CYP4F22: variants seen among roughly 807,000 people sequenced by gnomAD.
The protein encoded by CYP4F22 is cytochrome P450 family 4 subfamily F member 22, also known as ultra-long-chain fatty acid omega-hydroxylase.
CYP4F22 carries 37 observed loss-of-function variants against 60.4 expected under a neutral mutation model. The observed-to-expected ratio is 0.61, with a 90% CI of 0.47 to 0.81. The LOEUF is 0.81. CYP4F22 is among the 30% of genes least tolerant of loss of function. The probability of loss-of-function intolerance (pLI) is 0.00; values close to 1 mark genes in which losing one functional copy is unlikely to be tolerated. For synonymous variants in CYP4F22, 258 were observed against 280.5 expected, an observed-to-expected ratio of 0.92 and a Z score of 0.80; for missense variants, 655 against 715.0, an observed-to-expected ratio of 0.92 and a Z score of 0.96.
At chr19:15,521,541 G>T (rs1487280192) in intron 1 of CYP4F22, among the ~76,000 whole-genome samples, 1 of 152,036 alleles carries the variant, frequency 6.6e-6, no homozygotes, top group African/African-American at 2.4e-5. Flanking sequence ...CTACTTCCAC[G>T]TTTTAGTGAT....
intron 1 of CYP4F22, chr19:15,515,325 A>T: frequency 8.5e-7 from 1 of 1,175,640 alleles, no homozygotes; most frequent in South Asian, 1.2e-5. Context: ...ATAATGGTTC[A>T]TGGCCAGAAA....
At chr19:15,516,229 A>G (rs1466328597) in intron 1 of CYP4F22, 1 of 152,318 alleles carries the variant, frequency 6.6e-6, no homozygotes, top group Non-Finnish European at 1.5e-5. Flanking sequence ...TTTAACCAAG[A>G]TATCTGTGCT....
chr19:15,550,622 C>A (rs993738), intron 12 of CYP4F22, 52 bp from the exon 13 acceptor site: 1 of 1,593,130 alleles, frequency 6.3e-7, no homozygotes, highest in Non-Finnish European at 8.6e-7. Context: ...GGGGGCCAGG[C>A]TGGGATGTCT....
At chr19:15,525,819 G>C (rs919705497) in intron 3 of CYP4F22, among the ~76,000 whole-genome samples, 11 of 152,096 alleles carry the variant, frequency 7.2e-5, no homozygotes, top group Non-Finnish European at 1.3e-4. Context: ...TTGAGGCCAG[G>C]AGTTTGAGAC....
intron 1 of CYP4F22, among the ~76,000 whole-genome samples, chr19:15,518,580 C>T (rs1261808374): frequency 7.8e-6 from 1 of 128,282 alleles, no homozygotes; most frequent in Admixed American, 9.2e-5. Flanking sequence ...ACCCGGGGAG[C>T]GGAGTTTGCA....
chr19:15,527,145 G>A (rs1035328599), intron 3 of CYP4F22, among the ~76,000 whole-genome samples: 1 of 151,998 alleles, frequency 6.6e-6, no homozygotes, highest in African/African-American at 2.4e-5. Context: ...GCTGGTCCAT[G>A]GTCCAGCCCC....
intron 4 of CYP4F22, among the ~76,000 whole-genome samples, chr19:15,535,065 G>T (rs886870137): frequency 5.9e-5 from 9 of 152,202 alleles, no homozygotes; most frequent in African/African-American, 1.4e-4. Flanking sequence ...GTGTCAGAAA[G>T]ATCCCTGTGG....
chr19:15,537,980 AGCAACT>A lies in CYP4F22; in HGVS notation c.661_666del (p.Asn221_Cys222del). On this transcript the variant is annotated inframe_deletion, in exon 7 of 14. Coordinates refer to ENST00000269703, the MANE Select transcript of CYP4F22 (RefSeq NM_173483.4). Reference sequence around the variant, plus strand: ...TCAGAAATGTGTCTTCAGCTACAACAGCAACTGCCAAGAGTGAGTGTGACCCTTCTT... The same window carrying A: ...TCAGAAATGTGTCTTCAGCTACAACAGCCAAGAGTGAGTGTGACCCTTCTT... 1 of 1,614,142 alleles carries A rather than the reference AGCAACT, an allele frequency of 6.2e-7. No homozygotes were observed. The highest frequency in any genetic ancestry group is 8.5e-7 in the Non-Finnish European group (1 of 1,180,008).
At chr19:15,530,710 TAA>T (rs1205172393) in intron 4 of CYP4F22, among the ~76,000 whole-genome samples, 1 of 151,948 alleles carries the variant, frequency 6.6e-6, no homozygotes. Flanking sequence ...AAGTGCCAAG[TAA>T]AAGGGGGAAA....
chr19:15,539,896 A>G (rs1047758915), intron 7 of CYP4F22, among the ~76,000 whole-genome samples: 1 of 152,156 alleles, frequency 6.6e-6, no homozygotes, highest in African/African-American at 2.4e-5. Context: ...CAGTGCTGTT[A>G]AGTATCTTTT....
chr19:15,525,356 G>A lies in CYP4F22; in HGVS notation c.20G>A (p.Arg7His), dbSNP rs202066269. The A allele has an allele frequency of 5.4e-4, 875 of 1,613,742 alleles. 5 individuals carry two copies. The Middle Eastern group carries it at 5.8e-3, about 11-fold the overall frequency. Reference protein sequence around the residue: MLPITDRLLHLLGLEKT... With the variant: MLPITDHLLHLLGLEKT... ...CCCAGGATGCTGCCCATCACAGACC[G>A]CCTGCTGCACCTCCTGGGGCTGGAG... Residue 7 changes from arginine (R) to histidine (H), a missense_variant, in exon 3 of 14, where the codon CGC becomes CAC. Arg to His is a conservative substitution (Grantham distance 29). Coordinates refer to ENST00000269703, the MANE Select transcript of CYP4F22 (RefSeq NM_173483.4).
At chr19:15,550,572 C>T (rs1271217705) in intron 12 of CYP4F22, 102 bp from the exon 13 acceptor site, 12 of 1,164,580 alleles carry the variant, frequency 1.0e-5, no homozygotes, top group Non-Finnish European at 1.3e-5. Context: ...CCCTGGGGTG[C>T]TCCCCATCCA....
At chr19:15,546,392 T>C (rs1174741878) in intron 10 of CYP4F22, among the ~76,000 whole-genome samples, 1 of 152,194 alleles carries the variant, frequency 6.6e-6, no homozygotes, top group African/African-American at 2.4e-5. Flanking sequence ...AAGACCAACC[T>C]GGGCAACATG....
chr19:15,548,962 T>C (rs1971564042), intron 11 of CYP4F22, among the ~76,000 whole-genome samples, 176 bp from the exon 12 acceptor site: 1 of 152,068 alleles, frequency 6.6e-6, no homozygotes, highest in Non-Finnish European at 1.5e-5. Flanking sequence ...AGGTTCCTCT[T>C]AGGGAAAGGT....
rs767108907 is a variant in CYP4F22, at chr19:15,540,678, G to A, written c.900G>A (p.Gly300=). The A allele has an allele frequency of 1.1e-5, 17 of 1,614,196 alleles. No homozygotes were observed. Among genetic ancestry groups the A allele is most frequent in the South Asian group, 2.2e-5 (2 of 91,086 alleles). Residue 300 remains glycine (G), a synonymous_variant, in exon 8 of 14, where the codon GGG becomes GGA. Coordinates refer to ENST00000269703, the MANE Select transcript of CYP4F22 (RefSeq NM_173483.4). ...AGGCCTGGCTTAAGGCCAAGCAGGG[G>A]AAGACCTTGGACTTTATTGATGTGC... ...GAEAWLKAKQ[G]KTLDFIDVLL...
intron 1 of CYP4F22, among the ~76,000 whole-genome samples, chr19:15,520,698 C>G (rs1971214094): frequency 6.6e-6 from 1 of 151,930 alleles, no homozygotes; most frequent in Non-Finnish European, 1.5e-5. Context: ...AGCGATTTTC[C>G]TGCCTCAGCC....
At chr19:15,529,925 T>A in intron 4 of CYP4F22, 72 bp downstream of exon 4, 1 of 1,602,570 alleles carries the variant, frequency 6.2e-7, no homozygotes, top group East Asian at 2.2e-5. Flanking sequence ...TCTAGGCAGG[T>A]GGGATATCCA....
chr19:15,549,434 C>A (rs1971569833), intron 12 of CYP4F22, among the ~76,000 whole-genome samples: 1 of 152,156 alleles, frequency 6.6e-6, no homozygotes. Context: ...ATGATACTGT[C>A]TTTGCCTTTA....
chr19:15,511,744 A>G (rs2144492660), intron 1 of CYP4F22, among the ~76,000 whole-genome samples: 1 of 152,194 alleles, frequency 6.6e-6, no homozygotes, highest in African/African-American at 2.4e-5. Flanking sequence ...CCTGCAGTTC[A>G]AGAAGAGGCA....
Sources: allele counts gnomAD v4.1 joint callset (sites outside exome capture counted in the v4.1 genomes callset), GRCh38; gene constraint gnomAD v4.1.1; transcripts MANE v1.5; gene names NCBI Gene and HGNC (gene_info 2026-07-23, HGNC 2026-07-21).